Variants in INTS6 observed in about 807,000 individuals in gnomAD.
INTS6 encodes the protein integrator complex subunit 6, also known as DEAD box protein.
In INTS6, 16 loss-of-function variants were observed where a neutral mutation model predicts 104.9. The ratio of observed to expected loss-of-function variants is 0.15; its 90% CI spans 0.10 to 0.23. The LOEUF (loss-of-function observed/expected upper bound fraction) is 0.23. Ranked by LOEUF, INTS6 falls within the 10% of genes least tolerant of loss-of-function variation. INTS6 has a pLI of 1.00. For missense variants in INTS6, 584 were observed against 1,062.8 expected, an observed-to-expected ratio of 0.55 and a Z score of 6.26; for synonymous variants, 324 against 358.7, an observed-to-expected ratio of 0.90 and a Z score of 1.09.
At chr13:51,447,835 G>A (rs1048160768) in intron 3 of INTS6, 13 of 151,358 alleles carry the variant, frequency 8.6e-5, no homozygotes, top group Admixed American at 4.6e-4. Context: ...AAGGTGGGCA[G>A]ATCACCTGAG....
chr13:51,399,629 C>A (rs142568810), intron 4 of INTS6, among the ~76,000 whole-genome samples: 4 of 152,232 alleles, frequency 2.6e-5, no homozygotes, highest in African/African-American at 9.6e-5. Flanking sequence ...CTACTAGCAG[C>A]GTATAACAGA....
In INTS6 at chr13:51,362,467, A is replaced by G. The variant is rs1391470971; in HGVS notation, c.*3285T>C. 6.5e-6 allele frequency: 1 copy of G among 152,942 alleles called. No individual in the cohort carries two copies. The highest frequency in any genetic ancestry group is 1.5e-5 in the Non-Finnish European group (1 of 68,316). The allele number at this position is 152,942 out of a possible 1,614,324, so 9.5% of individuals were successfully genotyped here. A position where few individuals can be genotyped will look rare whatever the true frequency, so the allele number is the denominator to read the frequency against. On this transcript the variant is annotated 3_prime_UTR_variant, in exon 18 of 18. Coordinates refer to ENST00000311234, the MANE Select transcript of INTS6 (RefSeq NM_012141.3). ...GCCTCAGTACATCAGAAGGACACACAAATATTCTTAGGCTTCGACAATATT... is the reference window on the plus strand; with the variant it reads ...GCCTCAGTACATCAGAAGGACACACGAATATTCTTAGGCTTCGACAATATT...
At chr13:51,350,270 T>C (rs560548269), downstream of INTS6, among the ~76,000 whole-genome samples, 1 of 152,160 alleles carries the variant, frequency 6.6e-6, no homozygotes, top group South Asian at 2.1e-4. Context: ...CAAAGTAACC[T>C]TTTATTTATA....
At chr13:51,443,976 T>C (rs1357054289) in intron 3 of INTS6, 1 of 152,226 alleles carries the variant, frequency 6.6e-6, no homozygotes, top group Non-Finnish European at 1.5e-5. Flanking sequence ...GTTCCTGATC[T>C]TTTAATTTCC....
At chr13:51,348,135 G>A in the INTS6 span, 13 of 1,129,048 alleles carry the variant, frequency 1.2e-5, no homozygotes, top group Admixed American at 2.7e-4. Context: ...CTCTGAGCCA[G>A]CCTCTCTCAG....
chr13:51,376,249 G>C, intron 12 of INTS6, 75 bp from the exon 13 acceptor site: 4 of 1,198,056 alleles, frequency 3.3e-6, no homozygotes, highest in Non-Finnish European at 4.6e-6. Context: ...CTAGCCTGCA[G>C]CATAGGTTTG....
chr13:51,376,037 T>A lies in INTS6; in HGVS notation c.1729+11A>T, dbSNP rs376914682. The A allele has an allele frequency of 2.1e-5, 34 of 1,588,488 alleles. No homozygotes were observed. The highest frequency in any genetic ancestry group is 2.9e-5 in the Non-Finnish European group (34 of 1,170,810). ...AAATTAAAAATACCAGTATTGAAAC[T>A]ATGTTCTAACCTTCGTCCTGTCCTT... is the stretch of plus-strand genomic sequence containing the variant. On this transcript the variant is annotated intron_variant, in intron 13 of 17. Transcript: ENST00000311234.
chr13:51,348,105 C>T, the INTS6 span: 3 of 802,278 alleles, frequency 3.7e-6, no homozygotes, highest in Admixed American at 2.7e-5. Flanking sequence ...GGTGGATGCT[C>T]GGTTTTATTG....
intron 15 of INTS6, among the ~76,000 whole-genome samples, chr13:51,372,234 TACTCC>T (rs1955821051): frequency 6.6e-6 from 1 of 152,206 alleles, no homozygotes; most frequent in African/African-American, 2.4e-5. Flanking sequence ...TCTGCCCCTT[TACTCC>T]ACAGAAACTG....
At position 51,405,727 on chromosome 13, in the gene INTS6, G is replaced by T. The variant is rs533443514; in HGVS notation, c.430-10244C>A. Among the ~76,000 whole-genome samples the T allele has an allele frequency of 3.3e-5, 5 of 152,264 alleles. No individual in the cohort carries two copies. In the South Asian group the frequency reaches 1.0e-3, roughly 32 times the overall value. On this transcript the variant is annotated intron_variant, in intron 4 of 17. Coordinates refer to ENST00000311234, the MANE Select transcript of INTS6 (RefSeq NM_012141.3). ...ATTATGCTACTAAATGATGGAGACA[G>T]AAGCCACAGAGATGAGAAGCAAGGT...
chr13:51,376,081 T>C lies in INTS6; in HGVS notation c.1696A>G (p.Ser566Gly), dbSNP rs779032320. Residue 566 changes from serine (S) to glycine (G), a missense_variant, in exon 13 of 18, where the codon AGC becomes GGC. This residue lies in a region of INTS6 where 296 missense variants were observed against 437.0 expected (regional missense o/e 0.68). Coordinates refer to ENST00000311234, the MANE Select transcript of INTS6 (RefSeq NM_012141.3). ...TGTCCTTTCAGAAATCTGCGAGTGC[T>C]CTTCAAAAGATTAGATCTCATTCTT... Reference protein sequence around the residue: ...LTRMRSNLLKSTRRFLKGQDE... With the variant: ...LTRMRSNLLKGTRRFLKGQDE... 1 of 1,611,476 alleles carries C rather than the reference T, an allele frequency of 6.2e-7. No homozygotes were observed. The highest frequency in any genetic ancestry group is 2.2e-5 in the East Asian group (1 of 44,790).
chr13:51,392,826 A>G (rs1956267153), intron 5 of INTS6, among the ~76,000 whole-genome samples: 1 of 152,044 alleles, frequency 6.6e-6, no homozygotes, highest in African/African-American at 2.4e-5. Flanking sequence ...TAAGCTTTCT[A>G]TTGTTCCTGC....
At chr13:51,420,638 GTTA>G (rs1282886595) in intron 4 of INTS6, among the ~76,000 whole-genome samples, 2 of 151,268 alleles carry the variant, frequency 1.3e-5, no homozygotes, top group Non-Finnish European at 2.9e-5. Context: ...TTTAAAAAAG[GTTA>G]TTATAACAGA....
At position 51,452,303 on chromosome 13, in the gene INTS6, C is replaced by T. The variant is rs1354448267; in HGVS notation, c.111+112G>A. 9.0e-7 allele frequency: 1 copy of T among 1,105,800 alleles called. No homozygotes were observed. Among genetic ancestry groups the T allele is most frequent in the South Asian group, 4.2e-5 (1 of 23,916 alleles). The allele number at this position is 1,105,800 out of a possible 1,614,324, so 68.5% of individuals were successfully genotyped here. A position where few individuals can be genotyped will look rare whatever the true frequency, so the allele number is the denominator to read the frequency against. On this transcript the variant is annotated intron_variant, in intron 1 of 17. Transcript: ENST00000311234. The surrounding 1 kb of genome is among the most constrained non-coding windows in gnomAD (Gnocchi z 4.2). Reference sequence around the variant, plus strand: ...CGGTGGGGGAGGGGGTCCCCGAGCCCGGCAGCTCCCGCAGTCAGGTCCCCG... The same window carrying T: ...CGGTGGGGGAGGGGGTCCCCGAGCCTGGCAGCTCCCGCAGTCAGGTCCCCG...
intron 4 of INTS6, among the ~76,000 whole-genome samples, chr13:51,397,871 T>A (rs1027402045): frequency 3.3e-5 from 5 of 151,898 alleles, no homozygotes; most frequent in African/African-American, 7.3e-5. Context: ...GATGAGCATC[T>A]GCAACGCAGA....
In INTS6 at chr13:51,379,471, C is replaced by T. The variant is rs967897551; in HGVS notation, c.1377G>A (p.Leu459=). The change falls in exon 11 of 18, where the codon CTG becomes CTA. Residue 459 remains leucine (L), a synonymous_variant. Coordinates refer to ENST00000311234, the MANE Select transcript of INTS6 (RefSeq NM_012141.3). ...TATTTCTTGATATTACCTGTTGACT[C>T]AGTTTTTTGAGGTATGAAATGACAC... The part of the protein sequence containing the change: ...SYSVISYLKK[L]SQQAKIESDR... 6 of 1,583,616 alleles carry T rather than the reference C, an allele frequency of 3.8e-6. No individual in the cohort carries two copies. Among genetic ancestry groups the T allele is most frequent in the Non-Finnish European group, 4.3e-6 (5 of 1,160,892 alleles).
chr13:51,341,891 G>C, the INTS6 span, among the ~76,000 whole-genome samples: 2 of 152,172 alleles, frequency 1.3e-5, no homozygotes, highest in Non-Finnish European at 2.9e-5. Flanking sequence ...CAGGCTGCCT[G>C]GTTTAAGAGC....
chr13:51,432,906 TAAC>T (rs1392508394), intron 3 of INTS6, among the ~76,000 whole-genome samples: 3 of 152,200 alleles, frequency 2.0e-5, no homozygotes, highest in African/African-American at 7.2e-5. Context: ...TATGTACACA[TAAC>T]AATAAATCTC....
downstream of INTS6, chr13:51,361,485 A>T: frequency 1.4e-6 from 1 of 698,712 alleles, no homozygotes; most frequent in Non-Finnish European, 2.4e-6. Flanking sequence ...GTGGTGTAGT[A>T]TTTTTTAAAA....
Sources: allele counts gnomAD v4.1 joint callset (sites outside exome capture counted in the v4.1 genomes callset), GRCh38; gene constraint gnomAD v4.1.1; regional missense constraint gnomAD v4.1.1; non-coding constraint Gnocchi (gnomAD v3.1); transcripts MANE v1.5; gene names NCBI Gene and HGNC (gene_info 2026-07-23, HGNC 2026-07-21).